The following GRAMD2B variants were observed in gnomAD, a reference collection of about 807,000 sequenced individuals.
GRAMD2B encodes the protein GRAM domain containing 2B.
Under a neutral mutation model 59.2 loss-of-function variants are expected in GRAMD2B, and 41 were observed. The ratio of observed to expected loss-of-function variants is 0.69; its 90% CI spans 0.54 to 0.90. GRAMD2B has a LOEUF of 0.90. GRAMD2B is among the 40% of genes least tolerant of loss of function. The pLI is 0.00. For missense variants in GRAMD2B, 424 were observed against 500.5 expected (o/e 0.85, Z 1.46); for synonymous variants, 161 against 182.7 (o/e 0.88, Z 0.96).
At chr5:126,442,016 T>TA (rs1029685570) in intron 1 of GRAMD2B, among the ~76,000 whole-genome samples, 22 of 152,136 alleles carry the variant, frequency 1.4e-4, no homozygotes, top group African/African-American at 2.2e-4. Flanking sequence ...CCTTTTTATG[T>TA]AAAAAATCTA....
At chr5:126,441,320 T>C (rs1344233897) in intron 1 of GRAMD2B, among the ~76,000 whole-genome samples, 1 of 152,196 alleles carries the variant, frequency 6.6e-6, no homozygotes, top group African/African-American at 2.4e-5. Flanking sequence ...CACATCAAAC[T>C]GTGAAATTAG....
In GRAMD2B at chr5:126,484,411, C is replaced by A; in HGVS notation, c.857C>A (p.Ala286Glu). Residue 286 changes from alanine (A) to glutamate (E), a missense_variant, in exon 10 of 14, where the codon GCG becomes GAG. Ala to Glu is a moderately radical substitution (Grantham distance 107). Coordinates refer to ENST00000285689, the MANE Select transcript of GRAMD2B (RefSeq NM_023927.4). ...PESENSRDFH[A>E]TESQTVLNVS... is the part of the protein sequence containing the mutation. ...TGTTTTGGCTTAGTAGATTTCCATG[C>A]GACAGAATCCCAAACAGTTCTGAAT... The A allele has an allele frequency of 6.2e-7, 1 of 1,613,380 alleles. No individual in the cohort carries two copies. The highest frequency in any genetic ancestry group is 8.5e-7 in the Non-Finnish European group (1 of 1,179,764).
intron 1 of GRAMD2B, among the ~76,000 whole-genome samples, chr5:126,405,478 A>G (rs1758188888): frequency 6.6e-6 from 1 of 151,910 alleles, no homozygotes; most frequent in South Asian, 2.1e-4. Context: ...TGTAAAGATT[A>G]AATAATCTGT....
At chr5:126,386,273 T>G (rs1426738968) in intron 1 of GRAMD2B, among the ~76,000 whole-genome samples, 1 of 152,194 alleles carries the variant, frequency 6.6e-6, no homozygotes, top group East Asian at 1.9e-4. Context: ...CCTTGCATGA[T>G]TCCATGCTCT....
chr5:126,374,560 T>G (rs1030982523), intron 1 of GRAMD2B, among the ~76,000 whole-genome samples: 1 of 152,254 alleles, frequency 6.6e-6, no homozygotes, highest in Non-Finnish European at 1.5e-5. Context: ...TTTGTTAGTT[T>G]ATTAATTATT....
At chr5:126,430,853 A>G (rs1333411649) in intron 1 of GRAMD2B, among the ~76,000 whole-genome samples, 1 of 152,182 alleles carries the variant, frequency 6.6e-6, no homozygotes, top group African/African-American at 2.4e-5. Context: ...CCAAACCACA[A>G]CATCAAAGAT....
chr5:126,481,202 AAAAAGAAAGAAAGAAAGAAAGAAAG>A (rs1160047105), intron 8 of GRAMD2B, among the ~76,000 whole-genome samples: 2 of 74,890 alleles, frequency 2.7e-5, no homozygotes, highest in African/African-American at 9.1e-5. Flanking sequence ...AAAAAAAAAA[AAAAAGAAAGAAAGAAAGAAAGAAAG>A]AAAGAAAGAA....
intron 1 of GRAMD2B, among the ~76,000 whole-genome samples, chr5:126,439,986 C>T (rs574307232): frequency 7.2e-5 from 11 of 152,210 alleles, no homozygotes; most frequent in African/African-American, 2.4e-4. Context: ...GTGAGGCCTC[C>T]GCAGTCATGT....
chr5:126,360,252 G>A, exon 1 of GRAMD2B: 1 of 1,492,812 alleles, frequency 6.7e-7, no homozygotes, highest in Non-Finnish European at 9.1e-7. Context: ...AAGAGCTGTG[G>A]TTGGGCAGAT....
In GRAMD2B at chr5:126,372,734, CAA is replaced by C. The variant is rs139181551; in HGVS notation, c.125+1169_125+1170del. ...ATTTAAAATGTAAAACTTAGGCAAA[CAA>C]AGAGAAAAAATAAAAATAAAATAAA... On this transcript the variant is annotated intron_variant, in intron 1 of 8. Transcript: ENST00000506445. Among the ~76,000 whole-genome samples the C allele has an allele frequency of 4.0e-3, 614 of 151,946 alleles. 2 individuals are homozygous for C. The highest frequency in any genetic ancestry group is 0.014 in the African/African-American group (570 of 41,490).
intron 2 of GRAMD2B, chr5:126,467,327 T>C (rs1198514127): frequency 2.0e-5 from 3 of 152,058 alleles, no homozygotes; most frequent in African/African-American, 7.2e-5. Context: ...ATTAATAATT[T>C]TTATATAAAG....
At chr5:126,367,419 C>T (rs139081453), upstream of GRAMD2B, among the ~76,000 whole-genome samples, 71 of 147,230 alleles carry the variant, frequency 4.8e-4, no homozygotes, top group East Asian at 0.012. Flanking sequence ...CCAAATCCTA[C>T]ACCTGTAAAA....
intron 1 of GRAMD2B, among the ~76,000 whole-genome samples, chr5:126,460,871 A>G (rs962687990): frequency 2.6e-5 from 4 of 152,252 alleles, no homozygotes; most frequent in Non-Finnish European, 5.9e-5. Context: ...CTGATGAAAC[A>G]TATCCTATCT....
At chr5:126,475,373 C>T (rs1235599309) in intron 5 of GRAMD2B, among the ~76,000 whole-genome samples, 1 of 152,116 alleles carries the variant, frequency 6.6e-6, no homozygotes, top group East Asian at 1.9e-4. Context: ...ATTTCTAGCC[C>T]TTTGTCACTG....
upstream of GRAMD2B, among the ~76,000 whole-genome samples, chr5:126,368,335 T>C (rs1170974071): frequency 6.6e-6 from 1 of 152,256 alleles, no homozygotes. Context: ...GCAGTGGCTG[T>C]GGATGGCTGC....
At chr5:126,483,687 TC>T in intron 9 of GRAMD2B, 113 bp downstream of exon 9, 1 of 616,528 alleles carries the variant, frequency 1.6e-6, no homozygotes, top group South Asian at 2.2e-5. Flanking sequence ...CACATTGTCT[TC>T]CTAGTTAAAA....
At chr5:126,380,399 T>C (rs947282664) in intron 1 of GRAMD2B, among the ~76,000 whole-genome samples, 3 of 151,906 alleles carry the variant, frequency 2.0e-5, no homozygotes, top group Non-Finnish European at 2.9e-5. Flanking sequence ...GCTGATTCCA[T>C]ATGAATTTTA....
chr5:126,427,467 T>C (rs1760808174), intron 1 of GRAMD2B, among the ~76,000 whole-genome samples: 1 of 152,194 alleles, frequency 6.6e-6, no homozygotes. Flanking sequence ...ATCATTCAAA[T>C]TGCAATTTGA....
chr5:126,419,041 C>G (rs532565714), upstream of GRAMD2B, among the ~76,000 whole-genome samples: 3 of 152,292 alleles, frequency 2.0e-5, no homozygotes, highest in South Asian at 6.2e-4. Context: ...TGTGATGATA[C>G]TTACCTATAC....
Sources: allele counts gnomAD v4.1 joint callset (sites outside exome capture counted in the v4.1 genomes callset), GRCh38; gene constraint gnomAD v4.1.1; transcripts MANE v1.5; gene names NCBI Gene and HGNC (gene_info 2026-07-23, HGNC 2026-07-21).